ZNF438: variants seen among roughly 807,000 people sequenced by gnomAD.
The protein encoded by ZNF438 is zinc finger protein 438.
A neutral mutation model predicts 38.0 loss-of-function variants in ZNF438; 25 were observed. That is an observed-to-expected ratio of 0.66 (90% CI 0.48 to 0.92). The LOEUF (loss-of-function observed/expected upper bound fraction) is 0.92. Among genes scored for constraint, ZNF438 ranks in the 40% least tolerant of loss-of-function variants. The pLI is 0.00. For synonymous variants in ZNF438, 372 were observed against 364.1 expected (o/e 1.02, Z -0.25); for missense variants, 1,007 against 999.6 (o/e 1.01, Z -0.10).
At chr10:30,873,000 A>G (rs7893829) in intron 4 of ZNF438, among the ~76,000 whole-genome samples, 89,252 of 151,994 alleles carry the variant, frequency 0.59, 26,459 homozygotes, top group African/African-American at 0.63. Flanking sequence ...GCTCACCTGT[A>G]TGAGTTTTCT....
chr10:31,002,793 T>C (rs2054783666), intron 1 of ZNF438, among the ~76,000 whole-genome samples: 1 of 152,222 alleles, frequency 6.6e-6, no homozygotes, highest in South Asian at 2.1e-4. Context: ...TCTTTAGAGA[T>C]GGCCCTGAAA....
chr10:30,903,256 G>A (rs577834169), intron 3 of ZNF438, among the ~76,000 whole-genome samples: 2 of 152,296 alleles, frequency 1.3e-5, no homozygotes, highest in South Asian at 2.1e-4. Flanking sequence ...ACGGTGCAGC[G>A]GCGGGCTGAA....
At chr10:30,942,742 T>A (rs567350747) in intron 1 of ZNF438, among the ~76,000 whole-genome samples, 1 of 152,346 alleles carries the variant, frequency 6.6e-6, no homozygotes, top group South Asian at 2.1e-4. Context: ...AAAAATCTTA[T>A]ACAAATTTTC....
chr10:30,866,821 G>A lies in ZNF438; in HGVS notation c.37+10177C>T, dbSNP rs146298590. ...TGCACTCCAGCCTGAGCGACAGAGC[G>A]AGACTCTGTCTCAAAAAAAAAAAAC... On this transcript the variant is annotated intron_variant, in intron 4 of 5. Transcript: ENST00000413025. Among the ~76,000 whole-genome samples, 900 of 135,300 alleles carry A rather than the reference G, an allele frequency of 6.7e-3. 8 individuals carry two copies. Among genetic ancestry groups the A allele is most frequent in the African/African-American group, 0.024 (856 of 35,640 alleles). The allele number at this position is 135,300 out of a possible 152,430, so 88.8% of individuals were successfully genotyped here.
intron 1 of ZNF438, among the ~76,000 whole-genome samples, chr10:30,954,468 C>T (rs1235553694): frequency 1.3e-5 from 2 of 152,176 alleles, no homozygotes; most frequent in African/African-American, 4.8e-5. Context: ...TACAGCATGG[C>T]TGTAAAACAC....
At chr10:30,901,904 A>G (rs1011430215) in intron 3 of ZNF438, among the ~76,000 whole-genome samples, 1 of 152,070 alleles carries the variant, frequency 6.6e-6, no homozygotes, top group African/African-American at 2.4e-5. Context: ...TCAGGAGTGA[A>G]GCTACAGACT....
At chr10:30,919,866 A>G (rs1251773673) in intron 2 of ZNF438, 1 of 152,166 alleles carries the variant, frequency 6.6e-6, no homozygotes, top group Non-Finnish European at 1.5e-5. Flanking sequence ...TCTCTTCGAG[A>G]TCCAACCAAC....
chr10:30,915,095 C>A (rs1319433998), intron 2 of ZNF438, among the ~76,000 whole-genome samples: 1 of 151,958 alleles, frequency 6.6e-6, no homozygotes, highest in Non-Finnish European at 1.5e-5. Flanking sequence ...TATCATAAAT[C>A]ATTTGACAGT....
chr10:30,920,295 T>C (rs1040491569), intron 2 of ZNF438: 3 of 152,326 alleles, frequency 2.0e-5, no homozygotes, highest in East Asian at 3.9e-4. Context: ...TTATCCAAAG[T>C]GTCACAGCAA....
intron 3 of ZNF438, among the ~76,000 whole-genome samples, chr10:30,897,457 T>C (rs927421037): frequency 6.6e-6 from 1 of 152,210 alleles, no homozygotes; most frequent in African/African-American, 2.4e-5. Flanking sequence ...GATCCAGTGC[T>C]ATAGAGCAAG....
intron 1 of ZNF438, among the ~76,000 whole-genome samples, chr10:30,945,822 T>C (rs1328258548): frequency 6.5e-5 from 7 of 107,166 alleles, no homozygotes; most frequent in Non-Finnish European, 1.3e-4. Context: ...TTTGGGTTGG[T>C]TCCAAGTCTT....
intron 1 of ZNF438, among the ~76,000 whole-genome samples, chr10:31,019,812 C>G (rs1245933136): frequency 6.6e-6 from 1 of 152,150 alleles, no homozygotes; most frequent in Non-Finnish European, 1.5e-5. Context: ...ACCTGAAACT[C>G]AACCTTAACA....
intron 1 of ZNF438, among the ~76,000 whole-genome samples, chr10:30,970,256 C>A (rs1205802404): frequency 1.3e-5 from 2 of 152,144 alleles, no homozygotes; most frequent in Non-Finnish European, 1.5e-5. Context: ...AGTAACCTTT[C>A]TCAAGTAATA....
intron 4 of ZNF438, among the ~76,000 whole-genome samples, chr10:30,864,111 T>C (rs1357714904): frequency 1.3e-5 from 2 of 152,224 alleles, no homozygotes; most frequent in Admixed American, 6.5e-5. Context: ...GGCTATTATG[T>C]GGGAACTCAT....
At chr10:30,907,894 G>A (rs988364563) in intron 3 of ZNF438, among the ~76,000 whole-genome samples, 3 of 151,450 alleles carry the variant, frequency 2.0e-5, no homozygotes, top group African/African-American at 7.3e-5. Context: ...TCTTTTTCTA[G>A]GTTCTTAAGG....
At chr10:30,975,177 G>A (rs898252397) in intron 1 of ZNF438, among the ~76,000 whole-genome samples, 4 of 152,134 alleles carry the variant, frequency 2.6e-5, no homozygotes, top group East Asian at 1.9e-4. Flanking sequence ...CTTCCCCACT[G>A]TTTCCAAGAC....
intron 3 of ZNF438, among the ~76,000 whole-genome samples, chr10:30,880,276 C>A (rs1170904115): frequency 2.0e-5 from 3 of 151,674 alleles, no homozygotes; most frequent in Admixed American, 2.0e-4. Context: ...ACTAAAAATA[C>A]AAAAATTAGC....
At chr10:31,002,036 T>C (rs549419431) in intron 1 of ZNF438, among the ~76,000 whole-genome samples, 99 of 152,258 alleles carry the variant, frequency 6.5e-4, no homozygotes, top group African/African-American at 2.1e-3. Flanking sequence ...CTCATAAAGA[T>C]GAGACGTAAG....
At chr10:30,921,537 A>G (rs1036123082) in intron 2 of ZNF438, among the ~76,000 whole-genome samples, 11 of 152,140 alleles carry the variant, frequency 7.2e-5, no homozygotes, top group African/African-American at 2.2e-4. Flanking sequence ...CCAAAATTTT[A>G]TCTCTGAGGT....
Sources: gnomAD v4.1 joint callset for allele counts (sites outside exome capture counted in the v4.1 genomes callset) on GRCh38, gnomAD v4.1.1 for gene constraint, MANE v1.5 for transcripts, NCBI Gene and HGNC (gene_info 2026-07-23, HGNC 2026-07-21) for gene names.